PARD3B: variants seen among roughly 807,000 people sequenced by gnomAD.
PARD3B encodes par-3 family cell polarity regulator beta.
Under a neutral mutation model 130.2 loss-of-function variants are expected in PARD3B, and 103 were observed. The observed-to-expected ratio is 0.79, with a 90% CI of 0.67 to 0.93. PARD3B has a LOEUF of 0.93. Ranked by LOEUF, PARD3B falls within the 40% of genes least tolerant of loss-of-function variation. PARD3B has a pLI of 0.00. For missense variants in PARD3B, 1,609 were observed against 1,499.2 expected (o/e 1.07, Z -1.21); for synonymous variants, 583 against 553.2 (o/e 1.05, Z -0.76).
chr2:204,627,827 A>G (rs1349670152), intron 1 of PARD3B, among the ~76,000 whole-genome samples: 1 of 152,152 alleles, frequency 6.6e-6, no homozygotes, highest in Non-Finnish European at 1.5e-5. Context: ...CATCATTTGT[A>G]TACAGTTATC....
chr2:204,595,782 C>T lies in PARD3B; in HGVS notation c.120+49663C>T, dbSNP rs539844722. Among the ~76,000 whole-genome samples, 10 of 152,080 alleles carry T rather than the reference C, an allele frequency of 6.6e-5. 1 individual carries two copies. Among genetic ancestry groups the T allele is most frequent in the South Asian group, 2.1e-4 (1 of 4,824 alleles). On this transcript the variant is annotated intron_variant, in intron 1 of 22. Transcript: ENST00000406610. ...TTTCATTTGTTCATGCTTTGTTTTA[C>T]GTTTTGTAATAAATTGAGCCTTGGT...
chr2:205,121,751 C>T lies in PARD3B; in HGVS notation c.967C>T (p.His323Tyr). The change falls in exon 8 of 23, where the codon CAT becomes TAT. Residue 323 changes from histidine to tyrosine, a missense_variant. Transcript: ENST00000406610. The surrounding 1 kb of genome is among the most constrained non-coding windows in gnomAD (Gnocchi z 5.0). ...VLKTKVPPPV[H>Y]GKSGLKTANL... ...GAAAACCAAAGTGCCGCCTCCTGTCCATGGAAAATCGGGACTAAAGACAGC... is the reference window on the plus strand; with the variant it reads ...GAAAACCAAAGTGCCGCCTCCTGTCTATGGAAAATCGGGACTAAAGACAGC... 1 of 1,614,088 alleles carries T rather than the reference C, an allele frequency of 6.2e-7. No homozygotes were observed. The highest frequency in any genetic ancestry group is 8.5e-7 in the Non-Finnish European group (1 of 1,180,038).
At chr2:204,998,668 T>C (rs1694559223) in intron 3 of PARD3B, among the ~76,000 whole-genome samples, 1 of 151,796 alleles carries the variant, frequency 6.6e-6, no homozygotes, top group Non-Finnish European at 1.5e-5. Flanking sequence ...TTTTTCCATA[T>C]CCACTGAGGT....
At chr2:205,513,418 A>G (rs1356779846) in intron 21 of PARD3B, among the ~76,000 whole-genome samples, 2 of 152,112 alleles carry the variant, frequency 1.3e-5, no homozygotes, top group African/African-American at 2.4e-5. Context: ...GCAAACAGGA[A>G]AGAACTGACA....
At chr2:204,642,718 C>T (rs1362191942) in intron 1 of PARD3B, among the ~76,000 whole-genome samples, 1 of 151,872 alleles carries the variant, frequency 6.6e-6, no homozygotes, top group African/African-American at 2.4e-5. Context: ...ATTGTAATTT[C>T]CAGTGTTGGA....
At chr2:204,909,121 A>G (rs924057179) in intron 2 of PARD3B, among the ~76,000 whole-genome samples, 4 of 152,192 alleles carry the variant, frequency 2.6e-5, no homozygotes, top group African/African-American at 9.6e-5. Context: ...GTAAGGAACC[A>G]TGCAGATCAT....
intron 15 of PARD3B, among the ~76,000 whole-genome samples, chr2:205,223,149 C>A (rs2038333988): frequency 6.6e-6 from 1 of 151,794 alleles, no homozygotes. Flanking sequence ...AAGAGATAAA[C>A]ACAAATGAGA....
At position 204,545,863 on chromosome 2, in the gene PARD3B, G is replaced by A. The variant is rs2125035986; in HGVS notation, c.-137G>A. The stretch of plus-strand genomic sequence containing the variant: ...GGAAGGGGCGCTGCCGCGAGCCTCC[G>A]GGCCTCAGGGTGTTCCGGGGAGCGG... On this transcript the variant is annotated 5_prime_UTR_variant, in exon 1 of 23. Coordinates refer to ENST00000406610, the MANE Select transcript of PARD3B (RefSeq NM_001302769.2). The A allele has an allele frequency of 1.0e-6, 1 of 959,054 alleles. No individual in the cohort carries two copies. The highest frequency in any genetic ancestry group is 1.4e-6 in the Non-Finnish European group (1 of 702,752). The allele number at this position is 959,054 out of a possible 1,614,324, so 59.4% of individuals were successfully genotyped here.
chr2:205,101,280 G>A (rs899972666), intron 4 of PARD3B, among the ~76,000 whole-genome samples: 1 of 152,062 alleles, frequency 6.6e-6, no homozygotes, highest in Non-Finnish European at 1.5e-5. Flanking sequence ...CCATTAGGAT[G>A]AATACAATAA....
At chr2:205,212,023 T>G (rs1009356959) in intron 15 of PARD3B, among the ~76,000 whole-genome samples, 1 of 152,142 alleles carries the variant, frequency 6.6e-6, no homozygotes, top group East Asian at 1.9e-4. Context: ...TTTTTTTATT[T>G]TCAGCTTTAA....
intron 1 of PARD3B, among the ~76,000 whole-genome samples, chr2:204,655,988 G>T (rs2035625494): frequency 6.6e-6 from 1 of 152,006 alleles, no homozygotes; most frequent in African/African-American, 2.4e-5. Context: ...ATCTTTGGTG[G>T]CTTCTTCTCC....
chr2:205,282,940 T>G (rs1347584985), intron 16 of PARD3B, among the ~76,000 whole-genome samples: 2 of 152,218 alleles, frequency 1.3e-5, no homozygotes, highest in Admixed American at 6.5e-5. Flanking sequence ...GACTGATCAA[T>G]ACAGCTGAGC....
rs2036674116 is a variant in PARD3B, at chr2:204,678,685, C to CA, written c.121-7495dup. On this transcript the variant is annotated intron_variant, in intron 1 of 22. Coordinates refer to ENST00000406610, the MANE Select transcript of PARD3B (RefSeq NM_001302769.2). The surrounding 1 kb of genome is among the most constrained non-coding windows in gnomAD (Gnocchi z 4.2). ...CGCAGTTGCTTCTCCTCTCGATGTT[C>CA]AGCCGCTTGTCTCTCTGCCAGCTGA... Among the ~76,000 whole-genome samples the CA allele has an allele frequency of 6.6e-6, 1 of 152,052 alleles. No homozygotes were observed. Among genetic ancestry groups the CA allele is most frequent in the Non-Finnish European group, 1.5e-5 (1 of 67,996 alleles).
intron 18 of PARD3B, among the ~76,000 whole-genome samples, chr2:205,349,475 T>C (rs1252823456): frequency 2.0e-5 from 3 of 152,140 alleles, no homozygotes; most frequent in Non-Finnish European, 4.4e-5. Context: ...TCATCAATAA[T>C]TTTTTTCAAA....
At chr2:205,556,779 A>G (rs773871224) in intron 22 of PARD3B, among the ~76,000 whole-genome samples, 2 of 152,142 alleles carry the variant, frequency 1.3e-5, no homozygotes, top group Non-Finnish European at 2.9e-5. Context: ...TGAAATCAGC[A>G]TTCCTTTATT....
chr2:205,080,572 C>G (rs1553610059), intron 4 of PARD3B, among the ~76,000 whole-genome samples: 5 of 152,064 alleles, frequency 3.3e-5, no homozygotes, highest in Non-Finnish European at 1.5e-5. Context: ...TTATTCTACT[C>G]TTGATGAATA....
chr2:205,201,254 T>A (rs946881268), intron 15 of PARD3B, among the ~76,000 whole-genome samples: 16 of 152,084 alleles, frequency 1.1e-4, no homozygotes, highest in African/African-American at 3.9e-4. Flanking sequence ...TTAAAATTAA[T>A]CAGTACCCCA....
intron 2 of PARD3B, among the ~76,000 whole-genome samples, chr2:204,837,101 T>C (rs1199562667): frequency 1.3e-5 from 2 of 152,144 alleles, no homozygotes; most frequent in African/African-American, 4.8e-5. Context: ...TGGGGTATGA[T>C]TGGACCCCCT....
chr2:205,087,014 C>T (rs1701780006), intron 4 of PARD3B, among the ~76,000 whole-genome samples: 1 of 152,180 alleles, frequency 6.6e-6, no homozygotes, highest in South Asian at 2.1e-4. Context: ...GCTTTCATTG[C>T]TGAGAGTCTT....
Sources: gnomAD v4.1 joint callset for allele counts (sites outside exome capture counted in the v4.1 genomes callset) on GRCh38, gnomAD v4.1.1 for gene constraint, Gnocchi (gnomAD v3.1) non-coding constraint, MANE v1.5 for transcripts, NCBI Gene and HGNC (gene_info 2026-07-23, HGNC 2026-07-21) for gene names.